Variants in OCIAD2 observed in about 807,000 individuals in gnomAD.
The protein encoded by OCIAD2 is OCIA domain-containing protein 2.
A neutral mutation model predicts 22.9 loss-of-function variants in OCIAD2; 29 were observed. The ratio of observed to expected loss-of-function variants is 1.27; its 90% CI spans 0.94 to 1.73. The LOEUF (loss-of-function observed/expected upper bound fraction) is 1.73, where lower values mean the gene tolerates loss of function less well. Ranked by LOEUF, OCIAD2 falls within the 40% of genes most tolerant of loss-of-function variation. OCIAD2 has a pLI of 0.00. For missense variants in OCIAD2, 189 were observed against 180.3 expected, an observed-to-expected ratio of 1.05 and a Z score of -0.28; for synonymous variants, 67 against 60.2, an observed-to-expected ratio of 1.11 and a Z score of -0.52.
intron 6 of OCIAD2, among the ~76,000 whole-genome samples, chr4:48,887,283 A>G (rs1288065415): frequency 1.3e-5 from 2 of 152,156 alleles, no homozygotes; most frequent in African/African-American, 4.8e-5. Context: ...CCCATTCTGT[A>G]GGCTGCCTGT....
chr4:48,900,060 A>G (rs1781382382), intron 2 of OCIAD2, 135 bp from the exon 3 acceptor site: 1 of 567,422 alleles, frequency 1.8e-6, no homozygotes, highest in Non-Finnish European at 3.1e-6. Context: ...GCCCAAAGCA[A>G]TTATCAGTTT....
chr4:48,894,449 C>T (rs1781257467), intron 4 of OCIAD2, among the ~76,000 whole-genome samples: 1 of 151,982 alleles, frequency 6.6e-6, no homozygotes, highest in African/African-American at 2.4e-5. Context: ...GCTGAGATGG[C>T]ACCGATGCAC....
At chr4:48,904,435 T>G in intron 2 of OCIAD2, 49 bp downstream of exon 2, 80 of 1,505,298 alleles carry the variant, frequency 5.3e-5, no homozygotes, top group Non-Finnish European at 6.9e-5. Flanking sequence ...GGTGACAGTG[T>G]GAGATCGTGT....
At chr4:48,894,637 T>C (rs528337948) in intron 4 of OCIAD2, among the ~76,000 whole-genome samples, 1 of 152,284 alleles carries the variant, frequency 6.6e-6, no homozygotes, top group South Asian at 2.1e-4. Flanking sequence ...TTCAAAGACA[T>C]CAAGCAAAGG....
At chr4:48,892,025 T>G (rs576310586) in intron 6 of OCIAD2, among the ~76,000 whole-genome samples, 1 of 152,312 alleles carries the variant, frequency 6.6e-6, no homozygotes, top group South Asian at 2.1e-4. Context: ...AAAAAGAACT[T>G]GGGTGTTTTG....
intron 1 of OCIAD2, among the ~76,000 whole-genome samples, chr4:48,905,912 A>T (rs929664524): frequency 6.6e-5 from 10 of 152,114 alleles, no homozygotes; most frequent in African/African-American, 2.2e-4. Flanking sequence ...TCCACTGTTA[A>T]TTGGGCATAA....
At chr4:48,904,396 C>T in intron 2 of OCIAD2, 88 bp downstream of exon 2, 2 of 1,125,510 alleles carry the variant, frequency 1.8e-6, no homozygotes, top group Non-Finnish European at 2.7e-6. Context: ...CTGCAGTGAG[C>T]CATGACTGCA....
intron 5 of OCIAD2, 86 bp from the exon 6 acceptor site, chr4:48,892,975 T>A: frequency 1.5e-6 from 1 of 686,980 alleles, no homozygotes; most frequent in Non-Finnish European, 2.6e-6. Flanking sequence ...CTGGTAATTT[T>A]AAAATTAAAA....
At chr4:48,895,681 C>T (rs1317022091) in intron 4 of OCIAD2, among the ~76,000 whole-genome samples, 3 of 152,174 alleles carry the variant, frequency 2.0e-5, no homozygotes, top group African/African-American at 7.2e-5. Flanking sequence ...GAGACATTCA[C>T]ACCACAAGCA....
chr4:48,893,022 T>G (rs759340951), intron 5 of OCIAD2, 133 bp from the exon 6 acceptor site: 83 of 576,012 alleles, frequency 1.4e-4, no homozygotes, highest in Admixed American at 3.2e-5. Context: ...ACTCTGAGAA[T>G]GAAGTCTCTA....
intron 6 of OCIAD2, among the ~76,000 whole-genome samples, chr4:48,888,054 A>G (rs1781042948): frequency 6.6e-6 from 1 of 152,142 alleles, no homozygotes; most frequent in Non-Finnish European, 1.5e-5. Flanking sequence ...GGTCCTTCAC[A>G]TCCCTTGTAA....
chr4:48,892,838 C>A lies in OCIAD2; in HGVS notation c.317G>T (p.Cys106Phe). The stretch of plus-strand genomic sequence containing the variant: ...TTCAAAAAAATGGAATTTACTCTGG[C>A]ATACTCCTATGTATGATACCTTTCC... ...GLGKVSYIGV[C>F]QSKFHFFEDQ... Residue 106 changes from cysteine to phenylalanine, a missense_variant, in exon 6 of 7, where the codon TGC becomes TTC. Cys to Phe is a radical substitution (Grantham distance 205, BLOSUM62 -2). Coordinates refer to ENST00000508632, the MANE Select transcript of OCIAD2 (RefSeq NM_001014446.3). 1 of 1,613,076 alleles carries A rather than the reference C, an allele frequency of 6.2e-7. No individual in the cohort carries two copies. The highest frequency in any genetic ancestry group is 1.1e-5 in the South Asian group (1 of 90,822).
intron 6 of OCIAD2, among the ~76,000 whole-genome samples, chr4:48,889,979 C>T (rs1427851273): frequency 6.6e-6 from 1 of 152,050 alleles, no homozygotes; most frequent in African/African-American, 2.4e-5. Context: ...AACTGGAAAC[C>T]ATCATTCTCA....
chr4:48,890,777 A>T (rs1397405615), intron 6 of OCIAD2, among the ~76,000 whole-genome samples: 1 of 152,184 alleles, frequency 6.6e-6, no homozygotes, highest in Non-Finnish European at 1.5e-5. Flanking sequence ...CAGTGATAGG[A>T]TGTGTTTTGA....
chr4:48,897,764 C>T (rs777657913), intron 4 of OCIAD2, 40 bp downstream of exon 4: 5 of 1,490,556 alleles, frequency 3.4e-6, no homozygotes, highest in Non-Finnish European at 4.7e-6. Context: ...GTAAACTGGG[C>T]TCTCTGAAAT....
chr4:48,906,074 C>T (rs1223071651), intron 1 of OCIAD2, among the ~76,000 whole-genome samples: 2 of 152,216 alleles, frequency 1.3e-5, no homozygotes, highest in Admixed American at 1.3e-4. Flanking sequence ...ATTATCTTTG[C>T]TTAGCCATTA....
intron 5 of OCIAD2, 42 bp downstream of exon 5, chr4:48,893,964 G>A (rs767593796): frequency 1.7e-5 from 23 of 1,350,560 alleles, no homozygotes; most frequent in Non-Finnish European, 2.0e-5. Context: ...TTACAGATGT[G>A]AGCCACCACA....
At chr4:48,897,980 G>T in intron 3 of OCIAD2, 123 bp from the exon 4 acceptor site, 3 of 695,752 alleles carry the variant, frequency 4.3e-6, no homozygotes, top group South Asian at 3.4e-5. Flanking sequence ...TTATTCATTT[G>T]TTATTTTACT....
chr4:48,903,713 T>C (rs1781466904), intron 2 of OCIAD2, among the ~76,000 whole-genome samples: 1 of 148,670 alleles, frequency 6.7e-6, no homozygotes, highest in Non-Finnish European at 1.5e-5. Flanking sequence ...CGGCCTGATC[T>C]CGGCTCACTG....
Sources: gnomAD v4.1 joint callset for allele counts (sites outside exome capture counted in the v4.1 genomes callset) on GRCh38, gnomAD v4.1.1 for gene constraint, MANE v1.5 for transcripts, NCBI Gene and HGNC (gene_info 2026-07-23, HGNC 2026-07-21) for gene names.